The following ITGA9 variants were observed in gnomAD, a reference collection of about 807,000 sequenced individuals.
ITGA9 encodes integrin subunit alpha 9.
In ITGA9, 56 loss-of-function variants were observed where a neutral mutation model predicts 127.8. That is an observed-to-expected ratio of 0.44 (90% CI 0.35 to 0.55). The LOEUF (loss-of-function observed/expected upper bound fraction) is 0.55. Ranked by LOEUF, ITGA9 falls within the 20% of genes least tolerant of loss-of-function variation. ITGA9 has a pLI of 0.00. For synonymous variants in ITGA9, 508 were observed against 514.5 expected, an observed-to-expected ratio of 0.99 and a Z score of 0.17; for missense variants, 1,196 against 1,347.1, an observed-to-expected ratio of 0.89 and a Z score of 1.76.
At chr3:37,472,680 G>C (rs997293728) in intron 2 of ITGA9, among the ~76,000 whole-genome samples, 1 of 152,316 alleles carries the variant, frequency 6.6e-6, no homozygotes, top group Middle Eastern at 3.4e-3. Flanking sequence ...ACAGGTGTGA[G>C]CCACCATGCC....
At chr3:37,748,269 C>T in intron 22 of ITGA9, 1 of 506,768 alleles carries the variant, frequency 2.0e-6, no homozygotes, top group Non-Finnish European at 3.8e-6. Flanking sequence ...AAGGAAGGCC[C>T]CGCAAGTATT....
chr3:37,763,831 C>T (rs1016199630), intron 23 of ITGA9, among the ~76,000 whole-genome samples: 8 of 152,122 alleles, frequency 5.3e-5, no homozygotes, highest in Non-Finnish European at 1.0e-4. Flanking sequence ...TTTTTTTCCT[C>T]GCCTTCACCC....
chr3:37,681,094 T>G (rs1416930934), intron 17 of ITGA9, among the ~76,000 whole-genome samples: 2 of 152,164 alleles, frequency 1.3e-5, no homozygotes, highest in Admixed American at 6.5e-5. Context: ...CCCCAGAAAT[T>G]AGTATTTCAA....
chr3:37,666,144 A>G (rs1219972248), intron 17 of ITGA9, among the ~76,000 whole-genome samples: 1 of 152,210 alleles, frequency 6.6e-6, no homozygotes, highest in Non-Finnish European at 1.5e-5. Context: ...AACTATAGTC[A>G]TGATCACGAT....
At chr3:37,753,258 C>T (rs895433984) in intron 23 of ITGA9, among the ~76,000 whole-genome samples, 6 of 152,164 alleles carry the variant, frequency 3.9e-5, no homozygotes, top group East Asian at 1.9e-4. Context: ...GTACCTATTA[C>T]GTGCCAGGCT....
Position 37,631,682 on chromosome 3 carries a change from A to G in ITGA9, c.1839+2346A>G, listed in dbSNP as rs575416008. On this transcript the variant is annotated intron_variant, in intron 16 of 27. Transcript: ENST00000264741. The stretch of plus-strand genomic sequence containing the variant: ...AGCTGGCTTCCTGCCTACCCAGGGA[A>G]CAGAGAAGCTGCAGCCACAGCCAGG... Among the ~76,000 whole-genome samples the G allele has an allele frequency of 9.8e-5, 15 of 152,328 alleles. No individual in the cohort carries two copies. In the South Asian group the frequency reaches 3.1e-3, roughly 32 times the overall value.
chr3:37,764,493 C>G (rs1383727078), intron 23 of ITGA9, among the ~76,000 whole-genome samples: 1 of 77,188 alleles, frequency 1.3e-5, no homozygotes, highest in East Asian at 3.5e-4. Flanking sequence ...AAAAAAAAAT[C>G]AAGGAAATCT....
chr3:37,757,299 G>A (rs1422318543), intron 23 of ITGA9, among the ~76,000 whole-genome samples: 1 of 151,818 alleles, frequency 6.6e-6, no homozygotes, highest in Non-Finnish European at 1.5e-5. Context: ...GAAGAGCGAT[G>A]ATGCCAAAAA....
At chr3:37,495,914 T>C (rs1277553981) in intron 5 of ITGA9, among the ~76,000 whole-genome samples, 1 of 152,132 alleles carries the variant, frequency 6.6e-6, no homozygotes, top group East Asian at 1.9e-4. Context: ...GGCTTCCCAG[T>C]CCATGGAGGA....
At chr3:37,663,488 G>A (rs1700556987) in intron 17 of ITGA9, among the ~76,000 whole-genome samples, 1 of 152,178 alleles carries the variant, frequency 6.6e-6, no homozygotes, top group South Asian at 2.1e-4. Context: ...TGGGGGTTGG[G>A]TGGTGGGGCG....
chr3:37,623,954 T>C (rs1184853175), intron 15 of ITGA9, among the ~76,000 whole-genome samples: 1 of 152,064 alleles, frequency 6.6e-6, no homozygotes, highest in African/African-American at 2.4e-5. Context: ...TAGGTGAAAG[T>C]AGGGTTGGAT....
intron 2 of ITGA9, among the ~76,000 whole-genome samples, 163 bp downstream of exon 2, chr3:37,471,297 AGCACTGGGATAC>A (rs1202873918): frequency 1.3e-5 from 2 of 152,124 alleles, no homozygotes; most frequent in Non-Finnish European, 2.9e-5. Flanking sequence ...ATAGTTATTA[AGCACTGGGATAC>A]ACCAGTGAAC....
intron 15 of ITGA9, among the ~76,000 whole-genome samples, chr3:37,588,536 G>A (rs1233148914): frequency 6.6e-6 from 1 of 152,222 alleles, no homozygotes; most frequent in African/African-American, 2.4e-5. Context: ...AGGACTTAGG[G>A]CTGTTGGGGC....
intron 23 of ITGA9, among the ~76,000 whole-genome samples, chr3:37,752,617 G>A (rs533135820): frequency 1.3e-5 from 2 of 152,336 alleles, no homozygotes; most frequent in East Asian, 3.9e-4. Flanking sequence ...AGAGCATAAT[G>A]AGGATGGGCT....
intron 6 of ITGA9, 149 bp downstream of exon 6, chr3:37,503,456 T>C: frequency 1.2e-6 from 1 of 849,520 alleles, no homozygotes; most frequent in South Asian, 1.5e-5. Flanking sequence ...CCAGGGCATC[T>C]TCACATCTAG....
intron 7 of ITGA9, among the ~76,000 whole-genome samples, chr3:37,508,104 C>T (rs1416075724): frequency 6.6e-6 from 1 of 152,200 alleles, no homozygotes; most frequent in Non-Finnish European, 1.5e-5. Flanking sequence ...CTTTGGGAAA[C>T]TGCTTTGTCT....
In ITGA9 at chr3:37,734,609, C is replaced by G. The variant is rs558585572; in HGVS notation, c.2154+1811C>G. ...GGTTCAAGGGATTCTCCTGCCTCAG[C>G]CTCCCTGGTAGCTGGGATTACAGGT... On this transcript the variant is annotated intron_variant, in intron 19 of 27. Coordinates refer to ENST00000264741, the MANE Select transcript of ITGA9 (RefSeq NM_002207.3). Among the ~76,000 whole-genome samples, 11 of 152,302 alleles carry G rather than the reference C, an allele frequency of 7.2e-5. No individual in the cohort carries two copies. The East Asian group carries it at 1.9e-3, about 27-fold the overall frequency.
chr3:37,777,197 C>G (rs962607619), intron 23 of ITGA9, among the ~76,000 whole-genome samples, 195 bp from the exon 24 acceptor site: 1 of 152,210 alleles, frequency 6.6e-6, no homozygotes, highest in Non-Finnish European at 1.5e-5. Context: ...CTAAGATCCA[C>G]ATTTTCTATT....
intron 16 of ITGA9, among the ~76,000 whole-genome samples, chr3:37,651,311 C>G (rs1051763079): frequency 6.6e-6 from 1 of 152,184 alleles, no homozygotes. Flanking sequence ...ACCAATTCCT[C>G]GTGAGAAGTC....
Sources: allele counts gnomAD v4.1 joint callset (sites outside exome capture counted in the v4.1 genomes callset), GRCh38; gene constraint gnomAD v4.1.1; transcripts MANE v1.5; gene names NCBI Gene and HGNC (gene_info 2026-07-23, HGNC 2026-07-21).